Variants in TASP1 observed in about 807,000 individuals in gnomAD.
TASP1 encodes the protein taspase 1.
A neutral mutation model predicts 56.6 loss-of-function variants in TASP1; 16 were observed. That is an observed-to-expected ratio of 0.28 (90% CI 0.19 to 0.43). TASP1 has a LOEUF of 0.43. TASP1 is among the 20% of genes least tolerant of loss of function. The pLI is 1.00. For missense variants in TASP1, 393 were observed against 511.6 expected (o/e 0.77, Z 2.24); for synonymous variants, 179 against 184.2 (o/e 0.97, Z 0.23).
chr20:13,196,585 A>G, the TASP1 span, among the ~76,000 whole-genome samples: 1 of 152,218 alleles, frequency 6.6e-6, no homozygotes, highest in South Asian at 2.1e-4. Flanking sequence ...CATATGTGCC[A>G]TCTATGTGAA....
At chr20:13,121,721 C>T in the TASP1 span, among the ~76,000 whole-genome samples, 2 of 152,136 alleles carry the variant, frequency 1.3e-5, no homozygotes, top group African/African-American at 4.8e-5. Flanking sequence ...CCCTGACACT[C>T]TCCAGAAGTT....
At chr20:13,476,963 C>T (rs369242769) in intron 11 of TASP1, among the ~76,000 whole-genome samples, 1 of 152,002 alleles carries the variant, frequency 6.6e-6, no homozygotes, top group East Asian at 1.9e-4. Context: ...GAGAAATATG[C>T]TTATCAAATA....
chr20:13,157,467 C>T, the TASP1 span, among the ~76,000 whole-genome samples: 1 of 152,058 alleles, frequency 6.6e-6, no homozygotes, highest in Non-Finnish European at 1.5e-5. Context: ...AAGACTCACA[C>T]AGGTTGTAGG....
chr20:13,208,712 G>T, the TASP1 span, among the ~76,000 whole-genome samples: 3 of 152,172 alleles, frequency 2.0e-5, no homozygotes, highest in Non-Finnish European at 4.4e-5. Context: ...GTCCAAGCTA[G>T]TCTGCTGGTA....
chr20:13,257,023 T>TGAGAGAAGAGAATAATAAAGAG, the TASP1 span, among the ~76,000 whole-genome samples: 45 of 152,134 alleles, frequency 3.0e-4, no homozygotes, highest in East Asian at 7.1e-3. Flanking sequence ...AAAAGTCTAA[T>TGAGAGAAGAGAATAATAAAGAG]GAGAGAAGAG....
At chr20:13,301,918 G>A in the TASP1 span, among the ~76,000 whole-genome samples, 752 of 152,310 alleles carry the variant, frequency 4.9e-3, 8 homozygotes, top group African/African-American at 0.017. Context: ...AATCAGGGAA[G>A]TATCTGTTGG....
the TASP1 span, among the ~76,000 whole-genome samples, chr20:13,352,382 A>G: frequency 6.6e-6 from 1 of 151,678 alleles, no homozygotes; most frequent in Admixed American, 6.6e-5. Flanking sequence ...CCCCAGAGGC[A>G]GAGGTAGCAG....
Position 13,619,945 on chromosome 20 carries a change from T to C in TASP1, c.282+3501A>G, listed in dbSNP as rs148311552. On this transcript the variant is annotated intron_variant, in intron 4 of 13. Transcript: ENST00000337743. Reference sequence around the variant, plus strand: ...ATTTTGAAGATAAACAAAATATATTTTGGAGTAATATCATTTGCATTTCCA... The same window carrying C: ...ATTTTGAAGATAAACAAAATATATTCTGGAGTAATATCATTTGCATTTCCA... Among the ~76,000 whole-genome samples the C allele has an allele frequency of 1.1e-4, 16 of 152,304 alleles. No individual in the cohort carries two copies. The East Asian group carries it at 1.9e-3, about 18-fold the overall frequency.
At chr20:13,196,184 TA>T in the TASP1 span, among the ~76,000 whole-genome samples, 1 of 152,318 alleles carries the variant, frequency 6.6e-6, no homozygotes, top group Middle Eastern at 3.4e-3. Context: ...ACCAAGCTAT[TA>T]AACTGACCAT....
chr20:13,482,319 A>G (rs567633835), intron 11 of TASP1, among the ~76,000 whole-genome samples: 141 of 152,208 alleles, frequency 9.3e-4, no homozygotes, highest in African/African-American at 3.2e-3. Flanking sequence ...TTACTATAAT[A>G]TAATCTGAAG....
chr20:13,624,311 G>C (rs1002962920), intron 3 of TASP1, among the ~76,000 whole-genome samples: 1 of 151,916 alleles, frequency 6.6e-6, no homozygotes, highest in African/African-American at 2.4e-5. Context: ...TTTATTTTCA[G>C]ATGACAGAAA....
At chr20:13,617,834 G>A (rs936850744) in intron 4 of TASP1, among the ~76,000 whole-genome samples, 1 of 151,986 alleles carries the variant, frequency 6.6e-6, no homozygotes, top group African/African-American at 2.4e-5. Flanking sequence ...GGAAATTATC[G>A]GCCCTTCCCA....
chr20:13,562,915 ATGTGTGTGTGTGTG>A (rs199844282), intron 7 of TASP1, among the ~76,000 whole-genome samples: 56 of 128,678 alleles, frequency 4.4e-4, no homozygotes, highest in East Asian at 4.3e-3. Context: ...ACATATATAT[ATGTGTGTGTGTGTG>A]TGTGTGTGTG....
chr20:13,586,919 T>C (rs111566705), intron 5 of TASP1, among the ~76,000 whole-genome samples: 13 of 152,222 alleles, frequency 8.5e-5, no homozygotes, highest in African/African-American at 2.9e-4. Flanking sequence ...AAAGAAAAGA[T>C]CTTTTGGAGG....
At chr20:13,526,268 T>A (rs1181346519) in intron 10 of TASP1, among the ~76,000 whole-genome samples, 2 of 152,268 alleles carry the variant, frequency 1.3e-5, no homozygotes, top group African/African-American at 4.8e-5. Context: ...AACATCTAGA[T>A]ATGAAAGTAA....
At chr20:13,183,143 T>G in the TASP1 span, among the ~76,000 whole-genome samples, 1 of 152,234 alleles carries the variant, frequency 6.6e-6, no homozygotes, top group African/African-American at 2.4e-5. Flanking sequence ...GCCCTCTTGC[T>G]ATTAGCAACC....
chr20:13,410,814 G>A (rs2123711061), intron 13 of TASP1, among the ~76,000 whole-genome samples: 1 of 152,206 alleles, frequency 6.6e-6, no homozygotes, highest in South Asian at 2.1e-4. Flanking sequence ...TTCCTGTGAA[G>A]CAGCTCTTTA....
At chr20:13,559,664 C>T (rs1365040609) in intron 7 of TASP1, among the ~76,000 whole-genome samples, 4 of 152,100 alleles carry the variant, frequency 2.6e-5, no homozygotes, top group Admixed American at 1.3e-4. Context: ...AGGACTAATG[C>T]GGGCATTTAG....
downstream of TASP1, among the ~76,000 whole-genome samples, chr20:13,385,794 C>T (rs983533859): frequency 2.6e-5 from 4 of 152,326 alleles, no homozygotes; most frequent in South Asian, 4.1e-4. Context: ...TCAAAAACTG[C>T]GAAACACATA....
Sources: gnomAD v4.1 joint callset for allele counts (sites outside exome capture counted in the v4.1 genomes callset) on GRCh38, gnomAD v4.1.1 for gene constraint, MANE v1.5 for transcripts, NCBI Gene and HGNC (gene_info 2026-07-23, HGNC 2026-07-21) for gene names.